MRC2: variants seen among roughly 807,000 people sequenced by gnomAD.
MRC2 encodes the protein C-type mannose receptor 2.
In MRC2, 84 loss-of-function variants were observed where a neutral mutation model predicts 206.2. The observed-to-expected ratio is 0.41, with a 90% CI of 0.34 to 0.49. MRC2 has a LOEUF of 0.49. MRC2 is among the 20% of genes least tolerant of loss of function. MRC2 has a pLI of 0.31. For synonymous variants in MRC2, 798 were observed against 800.0 expected (o/e 1.00, Z 0.04); for missense variants, 1,676 against 2,001.5 (o/e 0.84, Z 3.10).
chr17:62,685,403 TA>T (rs1167055989), intron 20 of MRC2, among the ~76,000 whole-genome samples: 3 of 152,220 alleles, frequency 2.0e-5, no homozygotes, highest in African/African-American at 7.2e-5. Context: ...TCTCATGTTA[TA>T]AAGTTTTTCC....
At chr17:62,661,924 A>T (rs1324932711) in intron 1 of MRC2, among the ~76,000 whole-genome samples, 2 of 152,132 alleles carry the variant, frequency 1.3e-5, no homozygotes, top group South Asian at 4.2e-4. Flanking sequence ...ATATTTTTAA[A>T]TTTTTTCTAG....
At chr17:62,633,248 A>T (rs1468716688) in intron 1 of MRC2, among the ~76,000 whole-genome samples, 1 of 152,148 alleles carries the variant, frequency 6.6e-6, no homozygotes, top group Non-Finnish European at 1.5e-5. Flanking sequence ...CATGCCTGTA[A>T]TCCCAGCACT....
At chr17:62,631,375 G>T (rs1157881678) in intron 1 of MRC2, among the ~76,000 whole-genome samples, 1 of 152,120 alleles carries the variant, frequency 6.6e-6, no homozygotes, top group East Asian at 1.9e-4. Flanking sequence ...AAATGTTAAA[G>T]ATGTTAAGGG....
intron 1 of MRC2, among the ~76,000 whole-genome samples, chr17:62,658,856 T>C (rs942936399): frequency 3.3e-5 from 5 of 152,238 alleles, no homozygotes; most frequent in African/African-American, 1.2e-4. Flanking sequence ...ACCAGATACC[T>C]ACTCCTTAAA....
chr17:62,634,262 T>C (rs1011523394), intron 1 of MRC2, among the ~76,000 whole-genome samples: 3 of 152,152 alleles, frequency 2.0e-5, no homozygotes, highest in Non-Finnish European at 4.4e-5. Flanking sequence ...CAATGCGTTA[T>C]AATTAGTGTA....
chr17:62,689,226 G>C (rs551726605), intron 23 of MRC2: 1 of 585,806 alleles, frequency 1.7e-6, no homozygotes, highest in Non-Finnish European at 3.0e-6. Flanking sequence ...CACGTGTGGC[G>C]TCAAGGACCC....
chr17:62,636,135 T>C (rs2088315117), intron 1 of MRC2, among the ~76,000 whole-genome samples: 1 of 151,186 alleles, frequency 6.6e-6, no homozygotes, highest in South Asian at 2.1e-4. Context: ...GTGCCTGTAG[T>C]CTCAGCTACT....
In MRC2 at chr17:62,650,044, G is replaced by A. The variant is rs530691164; in HGVS notation, c.119-14504G>A. ...TGAGTAGCTGGGACTACAGGCACCC[G>A]CCACCACACCCGGCTAAGTTTTGTA... On this transcript the variant is annotated intron_variant, in intron 1 of 29. Coordinates refer to ENST00000303375, the MANE Select transcript of MRC2 (RefSeq NM_006039.5). Among the ~76,000 whole-genome samples the A allele has an allele frequency of 2.0e-5, 3 of 152,034 alleles. No individual in the cohort carries two copies. The South Asian group carries it at 6.2e-4, about 32-fold the overall frequency.
At chr17:62,630,417 G>A (rs546440629) in intron 1 of MRC2, among the ~76,000 whole-genome samples, 5 of 152,272 alleles carry the variant, frequency 3.3e-5, no homozygotes, top group South Asian at 4.1e-4. Flanking sequence ...GATGCTTCCC[G>A]TCTGGAGATT....
chr17:62,690,952 G>A lies in MRC2; in HGVS notation c.4016G>A (p.Gly1339Asp). The stretch of plus-strand genomic sequence containing the variant: ...CTCAGTGCCTTCTTTCCTGCAGGAG[G>A]CACTCTGGTCTGGCAGGACAACACA... ...WLGMNFNPKG[G>D]TLVWQDNTAV... The change falls in exon 28 of 30, where the codon GGC becomes GAC. Residue 1339 changes from glycine (G) to aspartate (D), a missense_variant. This residue lies in a region of MRC2 where 1,354 missense variants were observed against 1,636.6 expected (regional missense o/e 0.83). Coordinates refer to ENST00000303375, the MANE Select transcript of MRC2 (RefSeq NM_006039.5). 1 of 1,598,002 alleles carries A rather than the reference G, an allele frequency of 6.3e-7. No individual in the cohort carries two copies. The highest frequency in any genetic ancestry group is 8.5e-7 in the Non-Finnish European group (1 of 1,173,224).
At chr17:62,628,323 G>A (rs1486071411) in intron 1 of MRC2, among the ~76,000 whole-genome samples, 1 of 152,150 alleles carries the variant, frequency 6.6e-6, no homozygotes, top group Non-Finnish European at 1.5e-5. Context: ...GGGAGTTCCC[G>A]GGCCCAGTCT....
intron 13 of MRC2, among the ~76,000 whole-genome samples, chr17:62,679,181 C>T (rs963688774): frequency 6.6e-6 from 1 of 152,236 alleles, no homozygotes; most frequent in African/African-American, 2.4e-5. Context: ...CGAGATGGAT[C>T]TGGGCTTCCT....
intron 20 of MRC2, among the ~76,000 whole-genome samples, chr17:62,683,118 A>G (rs1183684416): frequency 1.3e-5 from 2 of 152,252 alleles, no homozygotes; most frequent in Admixed American, 1.3e-4. Context: ...TAAAATATGT[A>G]TAAGAACAAA....
intron 20 of MRC2, chr17:62,683,966 C>T (rs1417550975): frequency 6.6e-6 from 1 of 152,106 alleles, no homozygotes; most frequent in Non-Finnish European, 1.5e-5. Flanking sequence ...TAGCATGGCC[C>T]TGCACAAGGA....
intron 1 of MRC2, chr17:62,661,822 A>G (rs1430960862): frequency 6.6e-6 from 1 of 152,190 alleles, no homozygotes; most frequent in Non-Finnish European, 1.5e-5. Flanking sequence ...TGATGGCATC[A>G]TATGTTGGCA....
At position 62,671,289 on chromosome 17, in the gene MRC2, T is replaced by C. The variant is rs2088822713; in HGVS notation, c.1118-360T>C. ...CTCCCCTTTGTTGCCCAGTCTGTTC[T>C]TGAACTACTGGGCTCAAGCAATCCT... On this transcript the variant is annotated intron_variant, in intron 6 of 29. Transcript: ENST00000303375. This position sits in a 1 kb window ranked among gnomAD's most constrained non-coding sequence, Gnocchi z 4.5. 6.6e-6 allele frequency among the ~76,000 whole-genome samples: 1 copy of C among 152,076 alleles called. No individual in the cohort carries two copies. The highest frequency in any genetic ancestry group is 1.5e-5 in the Non-Finnish European group (1 of 68,014).
chr17:62,677,545 T>C, intron 12 of MRC2, 59 bp downstream of exon 12: 1 of 1,450,148 alleles, frequency 6.9e-7, no homozygotes, highest in Non-Finnish European at 9.3e-7. Flanking sequence ...AAGAGACAGT[T>C]TGGATGGAGG....
At chr17:62,661,503 CTTTCTTTCT>C (rs1294139355) in intron 1 of MRC2, 4 of 147,866 alleles carry the variant, frequency 2.7e-5, no homozygotes, top group East Asian at 3.9e-4. Context: ...TCCTTCCTTC[CTTTCTTTCT>C]TTTCTTTCTT....
rs142769371 is a variant in MRC2, at chr17:62,671,683, G to T, written c.1152G>T (p.Pro384=). The T allele has an allele frequency of 3.2e-5, 52 of 1,604,482 alleles. No homozygotes were observed. The African/African-American group carries it at 6.1e-4, about 19-fold the overall frequency. Residue 384 remains proline (P), a synonymous_variant, in exon 7 of 30, where the codon CCG becomes CCT. Transcript: ENST00000303375. The surrounding 1 kb of genome is among the most constrained non-coding windows in gnomAD (Gnocchi z 4.5). ...RWANVKVECE[P]SWQPFQGHCY... is the part of the protein sequence containing the mutation. ...CCAATGTGAAGGTGGAGTGCGAGCC[G>T]AGCTGGCAGCCCTTCCAGGGCCACT...
Sources: gnomAD v4.1 joint callset for allele counts (sites outside exome capture counted in the v4.1 genomes callset) on GRCh38, gnomAD v4.1.1 for gene constraint, gnomAD v4.1.1 regional missense constraint, Gnocchi (gnomAD v3.1) non-coding constraint, MANE v1.5 for transcripts, NCBI Gene and HGNC (gene_info 2026-07-23, HGNC 2026-07-21) for gene names.